The following ITGAL variants were observed in gnomAD, a reference collection of about 807,000 sequenced individuals.
ITGAL encodes the protein integrin subunit alpha L, also known as integrin alpha-L.
In ITGAL, 68 loss-of-function variants were observed where a neutral mutation model predicts 138.4. That is an observed-to-expected ratio of 0.49 (90% CI 0.40 to 0.60). ITGAL has a LOEUF of 0.60. Among genes scored for constraint, ITGAL ranks in the 20% least tolerant of loss-of-function variants. The pLI is 0.00. For missense variants in ITGAL, 1,256 were observed against 1,478.6 expected (o/e 0.85, Z 2.47); for synonymous variants, 561 against 584.3 (o/e 0.96, Z 0.57).
At chr16:30,502,818 T>C (rs200291339) in intron 17 of ITGAL, among the ~76,000 whole-genome samples, 1 of 141,754 alleles carries the variant, frequency 7.1e-6, no homozygotes, top group African/African-American at 2.6e-5. Context: ...TGTTTTAAAC[T>C]TTTTTTTTTT....
At chr16:30,510,519 C>T in intron 22 of ITGAL, 48 bp downstream of exon 22, 1 of 1,099,664 alleles carries the variant, frequency 9.1e-7, no homozygotes, top group Non-Finnish European at 1.4e-6. Context: ...GGGCCCTGAG[C>T]TGGTGGAGGG....
At chr16:30,506,679 C>T in intron 20 of ITGAL, 36 bp from the exon 21 acceptor site, 1 of 1,579,592 alleles carries the variant, frequency 6.3e-7, no homozygotes, top group East Asian at 2.3e-5. Flanking sequence ...CACCCTGATC[C>T]TCCCTCCTCC....
intron 17 of ITGAL, among the ~76,000 whole-genome samples, chr16:30,502,265 T>C (rs555824927): frequency 4.4e-4 from 65 of 147,612 alleles, no homozygotes; most frequent in Admixed American, 3.1e-3. Flanking sequence ...GGCGTGGTGG[T>C]GGGGGCCTGT....
chr16:30,517,709 T>C lies in ITGAL; in HGVS notation c.3033+4T>C. The C allele has an allele frequency of 6.2e-7, 1 of 1,613,990 alleles. No individual in the cohort carries two copies. The highest frequency in any genetic ancestry group is 1.1e-5 in the South Asian group (1 of 91,078). On this transcript the variant is annotated splice_donor_region_variant and intron_variant, in intron 27 of 30. Transcript: ENST00000356798. Reference sequence around the variant, plus strand: ...GAGGCTCCCGGATGCAGCTGAGGTATGGGCGTGTGAGCTGAGAGACGGTGG... The same window carrying C: ...GAGGCTCCCGGATGCAGCTGAGGTACGGGCGTGTGAGCTGAGAGACGGTGG...
chr16:30,477,710 A>C (rs929980967), intron 4 of ITGAL, among the ~76,000 whole-genome samples: 1 of 151,450 alleles, frequency 6.6e-6, no homozygotes, highest in Non-Finnish European at 1.5e-5. Flanking sequence ...GCAACATGGC[A>C]AAATGCCATC....
intron 28 of ITGAL, among the ~76,000 whole-genome samples, chr16:30,518,347 G>A (rs928020814): frequency 2.6e-5 from 4 of 151,826 alleles, no homozygotes; most frequent in African/African-American, 9.7e-5. Context: ...TACTTGAGAG[G>A]CTGAGGCATG....
chr16:30,474,999 C>G (rs890629519), intron 2 of ITGAL, among the ~76,000 whole-genome samples: 11 of 151,872 alleles, frequency 7.2e-5, no homozygotes, highest in Non-Finnish European at 1.3e-4. Flanking sequence ...GATGGGATTA[C>G]AGGCATGCAC....
rs780440564 is a variant in ITGAL at position 30,490,226 on chromosome 16, T to TAAAAAAAAAAAAAAAAAA, written c.1213+840_1213+841insAAAAAAAAAAAAAAAAAA. On this transcript the variant is annotated intron_variant, in intron 11 of 30. Transcript: ENST00000356798. Reference sequence around the variant, plus strand: ...CAAGATGACAGAGCGAGACTCCGTCTTAAAAAAAAAAAAAAAAAAAAGGCC... The same window carrying TAAAAAAAAAAAAAAAAAA: ...CAAGATGACAGAGCGAGACTCCGTCTAAAAAAAAAAAAAAAAAATAAAAAAAAAAAAAAAAAAAAGGCC... Among the ~76,000 whole-genome samples the TAAAAAAAAAAAAAAAAAA allele has an allele frequency of 1.7e-5, 2 of 115,186 alleles. 1 individual carries two copies. Among genetic ancestry groups the TAAAAAAAAAAAAAAAAAA allele is most frequent in the Admixed American group, 2.0e-4 (2 of 10,076 alleles). 75.6% of individuals were successfully genotyped at this position (115,186 alleles called of 152,430 possible). A position where few individuals can be genotyped will look rare whatever the true frequency, so the allele number is the denominator to read the frequency against.
At chr16:30,473,962 C>T in intron 1 of ITGAL, 1 of 664,954 alleles carries the variant, frequency 1.5e-6, no homozygotes, top group Non-Finnish European at 2.8e-6. Flanking sequence ...TCCTTTTTTG[C>T]AGAGAGGCCA....
In ITGAL at chr16:30,494,227, G is replaced by A. The variant is rs1279738700; in HGVS notation, c.1229G>A (p.Trp410Ter). The A allele has an allele frequency of 6.2e-7, 1 of 1,609,858 alleles. No individual in the cohort carries two copies. The highest frequency in any genetic ancestry group is 8.5e-7 in the Non-Finnish European group (1 of 1,177,144). ...CTTTCCTCAGGTTACACCGTGACCT[G>A]GCTGCCCTCCCGGCAAAAGACTTCG... is the stretch of plus-strand genomic sequence containing the variant. ...RAGYLGYTVT[W>*]LPSRQKTSLL... is the part of the protein sequence containing the mutation. The change falls in exon 12 of 31, where the codon TGG (tryptophan) becomes TAG (stop). Residue 410 changes from tryptophan to a stop codon, truncating the protein, a stop_gained. Coordinates refer to ENST00000356798, the MANE Select transcript of ITGAL (RefSeq NM_002209.3). LOFTEE classifies it high-confidence loss of function. This position sits in a 1 kb window ranked among gnomAD's most constrained non-coding sequence, Gnocchi z 4.2.
At position 30,504,166 on chromosome 16, in the gene ITGAL, C is replaced by G. The variant is rs2050948152; in HGVS notation, c.2146-9C>G. On this transcript the variant is annotated splice_polypyrimidine_tract_variant and intron_variant, in intron 17 of 30. Transcript: ENST00000356798. ...TTCATGACATAGGCTGTATTCTTAT[C>G]ACCCTCAGGTATGTGTTCAAGACCT... The G allele has an allele frequency of 6.2e-7, 1 of 1,601,038 alleles. No individual in the cohort carries two copies. The highest frequency in any genetic ancestry group is 8.6e-7 in the Non-Finnish European group (1 of 1,168,408).
chr16:30,490,830 C>T (rs535646610), intron 11 of ITGAL, among the ~76,000 whole-genome samples: 3 of 151,940 alleles, frequency 2.0e-5, no homozygotes, highest in South Asian at 2.1e-4. Flanking sequence ...ATTAGCTGGA[C>T]GTGGTGACAC....
In ITGAL at chr16:30,486,561, A is replaced by G. The variant is rs150872256; in HGVS notation, c.1006+2298A>G. 2.0e-4 allele frequency among the ~76,000 whole-genome samples: 31 copies of G among 152,336 alleles called. 1 individual carries two copies. Among genetic ancestry groups the G allele is most frequent in the African/African-American group, 5.5e-4 (23 of 41,584 alleles). On this transcript the variant is annotated intron_variant, in intron 9 of 30. Coordinates refer to ENST00000356798, the MANE Select transcript of ITGAL (RefSeq NM_002209.3). Reference sequence around the variant, plus strand: ...ACTGGCTTTTAAGCTGAGATATGAAAGATGAGATTCAAACAGCAATGTGAG... The same window carrying G: ...ACTGGCTTTTAAGCTGAGATATGAAGGATGAGATTCAAACAGCAATGTGAG...
chr16:30,508,575 A>G (rs1176944439), intron 21 of ITGAL, among the ~76,000 whole-genome samples: 5 of 152,200 alleles, frequency 3.3e-5, no homozygotes, highest in African/African-American at 1.2e-4. Flanking sequence ...CGCACCTGCA[A>G]TTCCAGCTAC....
intron 21 of ITGAL, among the ~76,000 whole-genome samples, chr16:30,509,988 G>A (rs924255609): frequency 2.0e-5 from 3 of 151,544 alleles, no homozygotes; most frequent in African/African-American, 4.9e-5. Context: ...GCAGTGACCC[G>A]AGATCGCACC....
chr16:30,510,756 C>A, intron 22 of ITGAL, 125 bp from the exon 23 acceptor site: 2 of 794,472 alleles, frequency 2.5e-6, no homozygotes, highest in Non-Finnish European at 4.3e-6. Flanking sequence ...AGAATCCTAG[C>A]TCAGTGCTTG....
chr16:30,508,166 C>T (rs2051033693), intron 21 of ITGAL, among the ~76,000 whole-genome samples: 1 of 151,622 alleles, frequency 6.6e-6, no homozygotes, highest in Non-Finnish European at 1.5e-5. Context: ...CCTCAGCCTC[C>T]CACAGTGCTG....
At chr16:30,509,771 G>A (rs902947817) in intron 21 of ITGAL, among the ~76,000 whole-genome samples, 1 of 151,992 alleles carries the variant, frequency 6.6e-6, no homozygotes, top group African/African-American at 2.4e-5. Context: ...AGGTACAGAG[G>A]CTTACACTTA....
chr16:30,498,212 C>T (rs1255560527), intron 15 of ITGAL, among the ~76,000 whole-genome samples: 1 of 150,602 alleles, frequency 6.6e-6, no homozygotes, highest in African/African-American at 2.5e-5. Flanking sequence ...GTAATCCCAG[C>T]TACTCGGGAG....
Sources: gnomAD v4.1 joint callset for allele counts (sites outside exome capture counted in the v4.1 genomes callset) on GRCh38, gnomAD v4.1.1 for gene constraint, Gnocchi (gnomAD v3.1) non-coding constraint, MANE v1.5 for transcripts, NCBI Gene and HGNC (gene_info 2026-07-23, HGNC 2026-07-21) for gene names.